Variants in DCC observed in about 807,000 individuals in gnomAD.
DCC encodes the protein netrin receptor DCC.
In DCC, 58 loss-of-function variants were observed where a neutral mutation model predicts 172.5. That is an observed-to-expected ratio of 0.34 (90% CI 0.27 to 0.42). The LOEUF is 0.42. DCC is among the 10% of genes least tolerant of loss of function. The pLI, the probability that DCC is intolerant of heterozygous loss-of-function variation, is 1.00. For synonymous variants in DCC, 709 were observed against 644.5 expected (o/e 1.10, Z -1.52); for missense variants, 1,740 against 1,791.0 (o/e 0.97, Z 0.51).
chr18:53,017,061 T>TC (rs2041816515), intron 5 of DCC, among the ~76,000 whole-genome samples: 1 of 151,626 alleles, frequency 6.6e-6, no homozygotes, highest in South Asian at 2.1e-4. Flanking sequence ...ATGGTATGTT[T>TC]TTTTTTTCTT....
intron 12 of DCC, among the ~76,000 whole-genome samples, chr18:53,222,383 C>CG (rs1482878177): frequency 9.6e-6 from 1 of 104,216 alleles, no homozygotes; most frequent in Non-Finnish European, 1.8e-5. Context: ...TTTCTTTTTT[C>CG]TTTTTTTTTT....
Position 52,708,661 on chromosome 18 carries a change from A to T in DCC, c.92-43393A>T, listed in dbSNP as rs568044069. On this transcript the variant is annotated intron_variant, in intron 1 of 28. Transcript: ENST00000442544. ...CGAAAGGCTCTGAGTCTCAGCCATG[A>T]ATAGTCTCTCACCACAAGGCCATGC... Among the ~76,000 whole-genome samples, 10 of 152,250 alleles carry T rather than the reference A, an allele frequency of 6.6e-5. No individual in the cohort carries two copies. The South Asian group carries it at 2.1e-3, about 32-fold the overall frequency.
intron 5 of DCC, among the ~76,000 whole-genome samples, chr18:52,947,955 C>A (rs2040574778): frequency 6.6e-6 from 1 of 152,098 alleles, no homozygotes; most frequent in Admixed American, 6.5e-5. Context: ...AGACAAGCGT[C>A]CACAATTTCT....
intron 8 of DCC, among the ~76,000 whole-genome samples, chr18:53,169,058 C>G (rs913730808): frequency 6.6e-5 from 10 of 152,132 alleles, no homozygotes; most frequent in African/African-American, 2.4e-4. Flanking sequence ...AATCAGGGAC[C>G]AGTTCTAGGC....
intron 12 of DCC, among the ~76,000 whole-genome samples, chr18:53,281,690 T>G (rs756935345): frequency 3.3e-5 from 5 of 152,050 alleles, no homozygotes; most frequent in Non-Finnish European, 5.9e-5. Context: ...GTTGCTAAAC[T>G]GTTATTAGTT....
chr18:53,052,545 T>G (rs541629260), intron 5 of DCC, among the ~76,000 whole-genome samples: 1 of 152,234 alleles, frequency 6.6e-6, no homozygotes, highest in South Asian at 2.1e-4. Context: ...CTTCTAGACT[T>G]ACTTGTCATC....
intron 20 of DCC, among the ~76,000 whole-genome samples, chr18:53,410,903 A>T (rs755719247): frequency 6.6e-6 from 1 of 152,168 alleles, no homozygotes; most frequent in African/African-American, 2.4e-5. Flanking sequence ...GATGTCATGT[A>T]TATTGGTTCT....
intron 1 of DCC, among the ~76,000 whole-genome samples, chr18:52,595,098 A>G (rs1016916945): frequency 1.6e-4 from 25 of 152,310 alleles, no homozygotes; most frequent in African/African-American, 4.6e-4. Context: ...CTCATACTGG[A>G]TCATCCTGCC....
intron 1 of DCC, among the ~76,000 whole-genome samples, chr18:52,725,058 C>T (rs952069874): frequency 6.6e-6 from 1 of 152,186 alleles, no homozygotes; most frequent in Non-Finnish European, 1.5e-5. Context: ...CAAGGCATTC[C>T]CTGTAGGCAG....
Position 53,473,403 on chromosome 18 carries a change from T to A in DCC, c.3736+5393T>A, listed in dbSNP as rs184309932. Among the ~76,000 whole-genome samples the A allele has an allele frequency of 2.6e-5, 4 of 152,366 alleles. No homozygotes were observed. In the East Asian group the frequency reaches 7.7e-4, roughly 29 times the overall value. On this transcript the variant is annotated intron_variant, in intron 25 of 28. Transcript: ENST00000442544. ...ATGTATTATTAAAATGCCTTCCTTA[T>A]GTTTGTAACACATCAATGTTTGGAG...
At chr18:53,132,316 T>C (rs2043669247) in intron 7 of DCC, among the ~76,000 whole-genome samples, 1 of 152,080 alleles carries the variant, frequency 6.6e-6, no homozygotes, top group Admixed American at 6.6e-5. Context: ...AACTTGGGGT[T>C]ATTGAATCCT....
chr18:53,478,597 A>T (rs2045795429), intron 25 of DCC, among the ~76,000 whole-genome samples: 1 of 152,234 alleles, frequency 6.6e-6, no homozygotes, highest in Admixed American at 6.5e-5. Flanking sequence ...AAGAAGTCTC[A>T]AAAAGGTAGC....
intron 5 of DCC, among the ~76,000 whole-genome samples, chr18:52,941,976 T>C (rs2145525867): frequency 6.6e-6 from 1 of 152,192 alleles, no homozygotes; most frequent in Admixed American, 6.5e-5. Context: ...AGAGACAAGG[T>C]TTCACCATGT....
chr18:53,137,539 C>A (rs1220751222), intron 7 of DCC, among the ~76,000 whole-genome samples: 1 of 152,110 alleles, frequency 6.6e-6, no homozygotes, highest in East Asian at 1.9e-4. Context: ...AGGTAACCAC[C>A]TTTGCCATGT....
chr18:52,855,560 G>A (rs891769968), intron 2 of DCC, among the ~76,000 whole-genome samples: 4 of 152,170 alleles, frequency 2.6e-5, no homozygotes, highest in African/African-American at 9.6e-5. Context: ...CCAAGTATTT[G>A]ATACCAGAGA....
intron 5 of DCC, among the ~76,000 whole-genome samples, chr18:52,952,544 A>T (rs1193957220): frequency 6.6e-6 from 1 of 152,200 alleles, no homozygotes; most frequent in Non-Finnish European, 1.5e-5. Flanking sequence ...ATACCAATTT[A>T]AGTTACTGCA....
intron 5 of DCC, among the ~76,000 whole-genome samples, chr18:53,062,797 T>C (rs574055407): frequency 3.9e-5 from 6 of 152,234 alleles, no homozygotes; most frequent in African/African-American, 1.2e-4. Context: ...AAAGATGATA[T>C]AGGCATTGTG....
intron 1 of DCC, among the ~76,000 whole-genome samples, chr18:52,531,869 C>T (rs1416412075): frequency 1.3e-5 from 2 of 152,116 alleles, no homozygotes; most frequent in Non-Finnish European, 2.9e-5. Flanking sequence ...CTATTTTCTA[C>T]GTTCAAGCAT....
At chr18:52,663,200 A>G (rs1310502809) in intron 1 of DCC, among the ~76,000 whole-genome samples, 2 of 152,208 alleles carry the variant, frequency 1.3e-5, no homozygotes, top group African/African-American at 4.8e-5. Flanking sequence ...TTTTCCCAAC[A>G]TTAAGTTTTC....
Sources: gnomAD v4.1 joint callset for allele counts (sites outside exome capture counted in the v4.1 genomes callset) on GRCh38, gnomAD v4.1.1 for gene constraint, MANE v1.5 for transcripts, NCBI Gene and HGNC (gene_info 2026-07-23, HGNC 2026-07-21) for gene names.